PBX3: variants seen among roughly 807,000 people sequenced by gnomAD.
The protein encoded by PBX3 is PBX homeobox 3, also known as pre-B-cell leukemia transcription factor 3.
Under a neutral mutation model 48.5 loss-of-function variants are expected in PBX3, and 14 were observed. That is an observed-to-expected ratio of 0.29 (90% CI 0.19 to 0.45). The LOEUF (loss-of-function observed/expected upper bound fraction) is 0.45. PBX3 is among the 20% of genes least tolerant of loss of function. The pLI is 1.00. For missense variants in PBX3, 386 were observed against 546.7 expected, an observed-to-expected ratio of 0.71 and a Z score of 2.93; for synonymous variants, 210 against 200.3, an observed-to-expected ratio of 1.05 and a Z score of -0.41.
Position 125,885,123 on chromosome 9 carries a change from C to G in PBX3, c.275-30563C>G, listed in dbSNP as rs532843454. ...AGCTATTATAATAAGTAGGGTGCTC[C>G]TTGATACCAGCACAACTCTTGGGAA... On this transcript the variant is annotated intron_variant, in intron 2 of 8. Transcript: ENST00000373489. Among the ~76,000 whole-genome samples the G allele has an allele frequency of 7.2e-5, 11 of 152,096 alleles. No individual in the cohort carries two copies. The South Asian group carries it at 2.3e-3, about 31-fold the overall frequency.
intron 2 of PBX3, among the ~76,000 whole-genome samples, chr9:125,819,260 G>A (rs1838573208): frequency 6.6e-6 from 1 of 151,922 alleles, no homozygotes; most frequent in Non-Finnish European, 1.5e-5. Context: ...CAGGCGGGGT[G>A]GCTCACACCT....
intron 2 of PBX3, among the ~76,000 whole-genome samples, chr9:125,870,678 A>G (rs973296120): frequency 2.6e-5 from 4 of 152,168 alleles, no homozygotes; most frequent in African/African-American, 9.7e-5. Flanking sequence ...AATAATATCT[A>G]ATTTGTAGAG....
At chr9:125,904,922 C>G (rs960272898) in intron 2 of PBX3, among the ~76,000 whole-genome samples, 1 of 151,912 alleles carries the variant, frequency 6.6e-6, no homozygotes, top group Non-Finnish European at 1.5e-5. Context: ...CTTATCCATC[C>G]TCTAAATTCC....
intron 3 of PBX3, among the ~76,000 whole-genome samples, chr9:125,919,823 C>A (rs1279576898): frequency 6.6e-6 from 1 of 152,146 alleles, no homozygotes; most frequent in East Asian, 1.9e-4. Flanking sequence ...GCCACATTTA[C>A]AAAGCTAAGC....
intron 2 of PBX3, among the ~76,000 whole-genome samples, chr9:125,878,964 TC>T (rs1430756974): frequency 2.0e-5 from 3 of 152,154 alleles, no homozygotes; most frequent in Admixed American, 1.3e-4. Context: ...ATTTTTTTTT[TC>T]CCATGGAAGG....
intron 2 of PBX3, among the ~76,000 whole-genome samples, chr9:125,864,900 T>C (rs191145842): frequency 6.6e-6 from 1 of 152,348 alleles, no homozygotes; most frequent in East Asian, 1.9e-4. Context: ...TGAGGTGTTG[T>C]CTGGTATAAA....
At chr9:125,833,044 G>A (rs185258740) in intron 2 of PBX3, among the ~76,000 whole-genome samples, 115 of 152,282 alleles carry the variant, frequency 7.6e-4, no homozygotes, top group Middle Eastern at 3.4e-3. Context: ...AATCTTAACC[G>A]CTGTAGCATG....
At chr9:125,819,294 C>T (rs1438431765) in intron 2 of PBX3, among the ~76,000 whole-genome samples, 1 of 151,750 alleles carries the variant, frequency 6.6e-6, no homozygotes, top group African/African-American at 2.4e-5. Context: ...TTTGGGAGGC[C>T]TAGGTGGGCG....
intron 2 of PBX3, among the ~76,000 whole-genome samples, chr9:125,831,908 A>T (rs971891282): frequency 2.6e-5 from 4 of 152,080 alleles, no homozygotes; most frequent in Non-Finnish European, 5.9e-5. Context: ...AGAATCTGCC[A>T]TTTCTCCAAA....
intron 2 of PBX3, among the ~76,000 whole-genome samples, chr9:125,859,825 T>C (rs1839815597): frequency 6.6e-6 from 1 of 152,232 alleles, no homozygotes; most frequent in Admixed American, 6.5e-5. Flanking sequence ...TTTCCTAATA[T>C]AAGCATAAAG....
At chr9:125,934,401 T>C (rs2132526387) in intron 4 of PBX3, among the ~76,000 whole-genome samples, 1 of 152,318 alleles carries the variant, frequency 6.6e-6, no homozygotes, top group East Asian at 1.9e-4. Context: ...TTAAGAAAAT[T>C]ATCTGGGGAA....
Position 125,761,219 on chromosome 9 carries a change from T to C in PBX3, c.274+12596T>C, listed in dbSNP as rs534685370. ...AATAAATAGTTTCTTTTTTCTTTTTTTTTTTGCTAGATCCTTTAGCTACAT... is the reference window on the plus strand; with the variant it reads ...AATAAATAGTTTCTTTTTTCTTTTTCTTTTTGCTAGATCCTTTAGCTACAT... On this transcript the variant is annotated intron_variant, in intron 2 of 8. Transcript: ENST00000373489. Among the ~76,000 whole-genome samples the C allele has an allele frequency of 4.3e-4, 66 of 152,170 alleles. No homozygotes were observed. The South Asian group carries it at 0.012, about 27-fold the overall frequency.
intron 3 of PBX3, among the ~76,000 whole-genome samples, chr9:125,927,348 C>T (rs538702121): frequency 6.6e-6 from 1 of 152,272 alleles, no homozygotes; most frequent in South Asian, 2.1e-4. Flanking sequence ...AAAAACTTTA[C>T]ATGATAAGAC....
intron 2 of PBX3, among the ~76,000 whole-genome samples, chr9:125,908,647 A>G (rs1428168657): frequency 6.6e-6 from 1 of 152,088 alleles, no homozygotes; most frequent in Non-Finnish European, 1.5e-5. Flanking sequence ...TGATAAACAC[A>G]TAGAGTAGCT....
chr9:125,823,853 A>G (rs1405247308), intron 2 of PBX3, among the ~76,000 whole-genome samples: 3 of 152,078 alleles, frequency 2.0e-5, no homozygotes, highest in African/African-American at 7.2e-5. Context: ...AGGTGGGTGA[A>G]TGACTTGAGG....
chr9:125,879,789 C>G (rs549642148), intron 2 of PBX3, among the ~76,000 whole-genome samples: 5 of 152,070 alleles, frequency 3.3e-5, no homozygotes, highest in Non-Finnish European at 7.4e-5. Flanking sequence ...ATTTTTAATA[C>G]CTTTTATTAT....
In PBX3 at chr9:125,925,676, T is replaced by A. The variant is rs76079492; in HGVS notation, c.517-3979T>A. Reference sequence around the variant, plus strand: ...CCATGTTGCCCAGGCCAGGATATTTTTTATATATTGGGTTAAGTGAAATAT... The same window carrying A: ...CCATGTTGCCCAGGCCAGGATATTTATTATATATTGGGTTAAGTGAAATAT... On this transcript the variant is annotated intron_variant, in intron 3 of 8. Transcript: ENST00000373489. Among the ~76,000 whole-genome samples, 280 of 152,236 alleles carry A rather than the reference T, an allele frequency of 1.8e-3. 2 individuals carry two copies. The highest frequency in any genetic ancestry group is 6.2e-3 in the African/African-American group (259 of 41,562).
intron 2 of PBX3, among the ~76,000 whole-genome samples, chr9:125,756,090 A>G (rs1836512007): frequency 6.6e-6 from 1 of 152,162 alleles, no homozygotes; most frequent in Non-Finnish European, 1.5e-5. Context: ...TGGGCTTCAG[A>G]AAACTATATT....
chr9:125,909,891 C>T (rs1224633700), intron 2 of PBX3, among the ~76,000 whole-genome samples: 4 of 152,112 alleles, frequency 2.6e-5, no homozygotes, highest in Non-Finnish European at 5.9e-5. Context: ...CATTAGCTGC[C>T]TGCCTTCTTG....
Sources: allele counts gnomAD v4.1 joint callset (sites outside exome capture counted in the v4.1 genomes callset), GRCh38; gene constraint gnomAD v4.1.1; transcripts MANE v1.5; gene names NCBI Gene and HGNC (gene_info 2026-07-23, HGNC 2026-07-21).